Variants in TMX2 observed in about 807,000 individuals in gnomAD.
TMX2 encodes thioredoxin related transmembrane protein 2.
TMX2 carries 20 observed loss-of-function variants against 33.4 expected under a neutral mutation model. The observed-to-expected ratio is 0.60, with a 90% CI of 0.42 to 0.87. The LOEUF is 0.87. TMX2 is among the 40% of genes least tolerant of loss of function. TMX2 has a pLI of 0.00. For missense variants in TMX2, 340 were observed against 370.7 expected (o/e 0.92, Z 0.68); for synonymous variants, 166 against 140.7 (o/e 1.18, Z -1.27).
intron 1 of TMX2, among the ~76,000 whole-genome samples, chr11:57,732,355 T>C (rs879605088): frequency 2.0e-5 from 3 of 152,200 alleles, no homozygotes; most frequent in Non-Finnish European, 2.9e-5. Context: ...TTTTTCCTCT[T>C]TCCTTTTCCT....
At chr11:57,717,738 A>AGGGGAGAGGGGAGG (rs1947264186) in intron 1 of TMX2, among the ~76,000 whole-genome samples, 1 of 95,296 alleles carries the variant, frequency 1.0e-5, no homozygotes, top group Non-Finnish European at 1.9e-5. Flanking sequence ...GAGAGGGGAG[A>AGGGGAGAGGGGAGG]GGGGAGAGGG....
chr11:57,738,892 T>C, intron 5 of TMX2, 82 bp from the exon 6 acceptor site: 5 of 1,544,892 alleles, frequency 3.2e-6, no homozygotes, highest in Non-Finnish European at 4.5e-6. Flanking sequence ...GGCATCTCCC[T>C]CTCCCCTCTT....
At chr11:57,727,135 T>C (rs568187417) in intron 1 of TMX2, among the ~76,000 whole-genome samples, 3 of 152,302 alleles carry the variant, frequency 2.0e-5, no homozygotes, top group Admixed American at 6.5e-5. Context: ...CGGATCATAA[T>C]AGCTCAGAAA....
Position 57,716,878 on chromosome 11 carries a change from C to T in TMX2, c.189+4071C>T, listed in dbSNP as rs371604563. 3.0e-4 allele frequency among the ~76,000 whole-genome samples: 45 copies of T among 151,442 alleles called. No homozygotes were observed. In the East Asian group the frequency reaches 4.7e-3, roughly 16 times the overall value. ...CCTCCCTCCTGGACGGGGCGGCTGC[C>T]GGGCGGAGACGCTCCTCATTTCCCA... On this transcript the variant is annotated intron_variant, in intron 1 of 7. Transcript: ENST00000278422.
At chr11:57,713,289 T>C (rs1014610244) in intron 1 of TMX2, among the ~76,000 whole-genome samples, 11 of 152,166 alleles carry the variant, frequency 7.2e-5, no homozygotes, top group African/African-American at 2.7e-4. Context: ...AAACTACTCT[T>C]CTGGCCACAC....
At chr11:57,729,211 C>T (rs192330161) in intron 1 of TMX2, among the ~76,000 whole-genome samples, 38 of 152,126 alleles carry the variant, frequency 2.5e-4, no homozygotes, top group East Asian at 1.9e-4. Flanking sequence ...TTTTATGGCA[C>T]CTCTACTTGC....
At chr11:57,738,900 C>T in intron 5 of TMX2, 74 bp from the exon 6 acceptor site, 1 of 1,563,076 alleles carries the variant, frequency 6.4e-7, no homozygotes, top group Non-Finnish European at 8.8e-7. Flanking sequence ...CCTCTCCCCT[C>T]TTAAATATCT....
chr11:57,729,123 G>GA (rs929264753), intron 1 of TMX2, among the ~76,000 whole-genome samples: 19 of 145,434 alleles, frequency 1.3e-4, no homozygotes, highest in Admixed American at 3.4e-4. Flanking sequence ...CCTCTAAGGA[G>GA]AAAAAAAAAA....
intron 1 of TMX2, among the ~76,000 whole-genome samples, chr11:57,723,126 A>G (rs182330570): frequency 6.6e-6 from 1 of 152,158 alleles, no homozygotes; most frequent in Admixed American, 6.5e-5. Context: ...AAATAAATAA[A>G]TAAATAAACA....
intron 1 of TMX2, chr11:57,718,546 G>A: frequency 3.0e-6 from 2 of 664,936 alleles, no homozygotes; most frequent in Non-Finnish European, 5.4e-6. Context: ...ATAGTACAGG[G>A]CTCCTGGTGG....
chr11:57,736,319 A>C (rs1264558394), intron 1 of TMX2, among the ~76,000 whole-genome samples: 5 of 146,966 alleles, frequency 3.4e-5, no homozygotes, highest in African/African-American at 1.3e-4. Flanking sequence ...ATACACTAAC[A>C]CCTAATGATA....
intron 1 of TMX2, among the ~76,000 whole-genome samples, chr11:57,714,178 G>T (rs1018947310): frequency 6.6e-6 from 1 of 152,164 alleles, no homozygotes; most frequent in Non-Finnish European, 1.5e-5. Context: ...GTTGGTGTCT[G>T]TGGAGAGAGA....
intron 1 of TMX2, among the ~76,000 whole-genome samples, chr11:57,721,382 CT>C (rs1947622689): frequency 9.0e-6 from 1 of 110,646 alleles, no homozygotes; most frequent in Admixed American, 1.1e-4. Flanking sequence ...GAGTTTTGCT[CT>C]TGTTGCCTAG....
intron 1 of TMX2, among the ~76,000 whole-genome samples, chr11:57,733,199 T>G (rs961643642): frequency 3.3e-5 from 5 of 151,484 alleles, no homozygotes; most frequent in African/African-American, 9.7e-5. Context: ...CAGTGATAAC[T>G]GTGGTTGTGT....
chr11:57,717,122 G>C (rs1380445395), intron 1 of TMX2, among the ~76,000 whole-genome samples: 1 of 148,632 alleles, frequency 6.7e-6, no homozygotes, highest in Admixed American at 6.6e-5. Context: ...GGGCAGAGAC[G>C]CTCCTCACTT....
intron 1 of TMX2, among the ~76,000 whole-genome samples, chr11:57,735,973 G>A (rs957211908): frequency 5.9e-5 from 9 of 152,190 alleles, no homozygotes; most frequent in Admixed American, 2.6e-4. Flanking sequence ...GATGTCAGGT[G>A]GAGCAAGTCT....
intron 1 of TMX2, among the ~76,000 whole-genome samples, chr11:57,719,138 CG>C (rs1947394918): frequency 7.1e-6 from 1 of 141,754 alleles, no homozygotes; most frequent in Non-Finnish European, 1.5e-5. Context: ...TGGGTTCAAG[CG>C]ATTCTCCTGC....
chr11:57,720,546 G>A (rs1207335891), intron 1 of TMX2, among the ~76,000 whole-genome samples: 5 of 152,124 alleles, frequency 3.3e-5, no homozygotes, highest in South Asian at 4.1e-4. Flanking sequence ...GATCACAGGC[G>A]TGTGCCATCA....
At chr11:57,727,855 C>T (rs947056478) in intron 1 of TMX2, among the ~76,000 whole-genome samples, 1 of 152,234 alleles carries the variant, frequency 6.6e-6, no homozygotes, top group Non-Finnish European at 1.5e-5. Flanking sequence ...AACTTGGCCT[C>T]CTCAATCCTT....
Sources: gnomAD v4.1 joint callset for allele counts (sites outside exome capture counted in the v4.1 genomes callset) on GRCh38, gnomAD v4.1.1 for gene constraint, MANE v1.5 for transcripts, NCBI Gene and HGNC (gene_info 2026-07-23, HGNC 2026-07-21) for gene names.